The following GAREM1 variants were observed in gnomAD, a reference collection of about 807,000 sequenced individuals.
GAREM1 encodes the protein GRB2 associated regulator of MAPK1 subtype 1.
In GAREM1, 26 loss-of-function variants were observed where a neutral mutation model predicts 71.3. The ratio of observed to expected loss-of-function variants is 0.36; its 90% confidence interval spans 0.27 to 0.51. The LOEUF (loss-of-function observed/expected upper bound fraction) is 0.51, where lower values mean the gene tolerates loss of function less well. GAREM1 is among the 20% of genes least tolerant of loss of function. The pLI, the probability that GAREM1 is intolerant of heterozygous loss-of-function variation, is 0.95. For synonymous variants in GAREM1, 440 were observed against 433.2 expected (o/e 1.02, Z -0.20); for missense variants, 1,026 against 1,103.1 (o/e 0.93, Z 0.99).
chr18:32,437,886 G>A (rs957014260), intron 1 of GAREM1, among the ~76,000 whole-genome samples: 26 of 152,078 alleles, frequency 1.7e-4, no homozygotes, highest in African/African-American at 6.3e-4. Flanking sequence ...CTTAAACTAG[G>A]CAAACTGAGC....
chr18:32,317,553 G>C (rs2047390969), intron 2 of GAREM1, among the ~76,000 whole-genome samples: 1 of 152,044 alleles, frequency 6.6e-6, no homozygotes, highest in Admixed American at 6.6e-5. Context: ...CTTCAAACAG[G>C]AGTCTAATAT....
chr18:32,270,273 T>C lies in GAREM1; in HGVS notation c.1677A>G (p.Gln559=). The change falls in exon 5 of 6, where the codon CAA becomes CAG. Residue 559 remains glutamine, a synonymous_variant. Transcript: ENST00000269209. ...AGGTGGGGCTGGGAGAGCGAGTCTG[T>C]TGCCGCGCTGGCTTGACTGTGCGAG... ...IPPRTVKPAR[Q]QTRSPSPTLS... The C allele has an allele frequency of 1.9e-6, 3 of 1,613,984 alleles. No individual in the cohort carries two copies. Among genetic ancestry groups the C allele is most frequent in the Non-Finnish European group, 2.5e-6 (3 of 1,179,966 alleles).
chr18:32,311,518 T>C (rs1172324432), intron 2 of GAREM1, among the ~76,000 whole-genome samples: 2 of 152,142 alleles, frequency 1.3e-5, no homozygotes, highest in African/African-American at 2.4e-5. Flanking sequence ...TGAGAAATGC[T>C]ATTAAATTTA....
intron 3 of GAREM1, among the ~76,000 whole-genome samples, chr18:32,300,697 G>A (rs540918414): frequency 8.0e-4 from 121 of 152,050 alleles, no homozygotes; most frequent in African/African-American, 2.6e-3. Context: ...GCTTGAGATC[G>A]GGAGTTCGAG....
chr18:32,263,715 G>A lies in GAREM1; in HGVS notation c.*4156C>T, dbSNP rs1433255462. On this transcript the variant is annotated 3_prime_UTR_variant, in exon 6 of 6. Coordinates refer to ENST00000269209, the MANE Select transcript of GAREM1 (RefSeq NM_001242409.2). The stretch of plus-strand genomic sequence containing the variant: ...TTCCAAGCAAAGAAACTGTAAAGAT[G>A]GTTACAAAATTCTTTGAAAAGAATA... 6.6e-6 allele frequency: 1 copy of A among 152,018 alleles called. No homozygotes were observed. Among genetic ancestry groups the A allele is most frequent in the East Asian group, 1.9e-4 (1 of 5,184 alleles). The allele number at this position is 152,018 out of a possible 1,614,324, so 9.4% of individuals were successfully genotyped here.
At chr18:32,315,557 G>A (rs1217929703) in intron 2 of GAREM1, among the ~76,000 whole-genome samples, 2 of 148,492 alleles carry the variant, frequency 1.3e-5, no homozygotes, top group Non-Finnish European at 3.0e-5. Flanking sequence ...ATATACTTTT[G>A]CATTAAGTCT....
chr18:32,287,457 G>C lies in GAREM1; in HGVS notation c.1140C>G (p.Thr380=), dbSNP rs1187985365. 1 of 1,614,208 alleles carries C rather than the reference G, an allele frequency of 6.2e-7. No homozygotes were observed. Among genetic ancestry groups the C allele is most frequent in the Admixed American group, 1.7e-5 (1 of 60,026 alleles). ...AGACCGAGAGTCGGTGGAAGGACTG[G>C]GTGAGCTCATCGCGGGCGTAGCTGA... ...NSLSYARDEL[T]QSFHRLSVCV... is the part of the protein sequence containing the mutation. The change falls in exon 4 of 6, where the codon ACC becomes ACG. Residue 380 remains threonine, a synonymous_variant. Transcript: ENST00000269209. This position sits in a 1 kb window ranked among gnomAD's most constrained non-coding sequence, Gnocchi z 5.9.
At chr18:32,464,013 C>A (rs1034706746) in intron 1 of GAREM1, among the ~76,000 whole-genome samples, 1 of 143,536 alleles carries the variant, frequency 7.0e-6, no homozygotes. Context: ...AAAGGCTGGG[C>A]GTGGTGGCTC....
At chr18:32,402,767 A>G (rs1178839100) in intron 1 of GAREM1, among the ~76,000 whole-genome samples, 1 of 152,114 alleles carries the variant, frequency 6.6e-6, no homozygotes, top group Non-Finnish European at 1.5e-5. Context: ...TTCTAACTAG[A>G]TATCCCCCTG....
chr18:32,286,519 G>T (rs2047019411), intron 4 of GAREM1, among the ~76,000 whole-genome samples: 1 of 152,146 alleles, frequency 6.6e-6, no homozygotes, highest in Non-Finnish European at 1.5e-5. Flanking sequence ...CACAGTAAAT[G>T]ACACTAATAT....
At chr18:32,445,429 A>T (rs1299349924) in intron 1 of GAREM1, among the ~76,000 whole-genome samples, 1 of 152,144 alleles carries the variant, frequency 6.6e-6, no homozygotes, top group Non-Finnish European at 1.5e-5. Flanking sequence ...AGTACACCAG[A>T]AATGCTTACC....
At chr18:32,336,839 C>G (rs2047601104) in intron 2 of GAREM1, among the ~76,000 whole-genome samples, 1 of 152,196 alleles carries the variant, frequency 6.6e-6, no homozygotes, top group Non-Finnish European at 1.5e-5. Context: ...TTCGGTAAAA[C>G]TAAAACTACT....
chr18:32,383,668 T>G (rs749236028), intron 2 of GAREM1, among the ~76,000 whole-genome samples: 2 of 152,212 alleles, frequency 1.3e-5, no homozygotes, highest in African/African-American at 2.4e-5. Flanking sequence ...GTTAATCATA[T>G]TATCTCATAG....
At chr18:32,370,421 C>CAAAA (rs57026913) in intron 2 of GAREM1, among the ~76,000 whole-genome samples, 1 of 69,174 alleles carries the variant, frequency 1.4e-5, no homozygotes, top group African/African-American at 5.2e-5. Flanking sequence ...AACTCTGTTT[C>CAAAA]AAAAAAAAAA....
At chr18:32,289,991 T>TTTG (rs2047064912) in intron 3 of GAREM1, among the ~76,000 whole-genome samples, 1 of 151,662 alleles carries the variant, frequency 6.6e-6, no homozygotes, top group African/African-American at 2.4e-5. Context: ...AGGTTTTTTT[T>TTTG]TGTGTGTGTG....
intron 2 of GAREM1, among the ~76,000 whole-genome samples, chr18:32,363,987 CATATATACATAT>C (rs1456751998): frequency 3.3e-4 from 9 of 27,092 alleles, no homozygotes; most frequent in African/African-American, 4.7e-4. Flanking sequence ...TACATAAATA[CATATATACATAT>C]ATATATATAT....
chr18:32,293,340 C>T (rs1224037168), intron 3 of GAREM1, among the ~76,000 whole-genome samples: 1 of 152,074 alleles, frequency 6.6e-6, no homozygotes, highest in African/African-American at 2.4e-5. Context: ...GTAAGGTGCT[C>T]ATAAGATGAT....
chr18:32,454,372 T>C (rs978134614), intron 1 of GAREM1, among the ~76,000 whole-genome samples: 5 of 151,614 alleles, frequency 3.3e-5, no homozygotes, highest in African/African-American at 1.2e-4. Context: ...ATAAGACACA[T>C]GCTGATTTCA....
intron 4 of GAREM1, among the ~76,000 whole-genome samples, chr18:32,279,687 G>C (rs1468811535): frequency 6.6e-6 from 1 of 152,094 alleles, no homozygotes; most frequent in African/African-American, 2.4e-5. Flanking sequence ...CAATACACTT[G>C]AGTCATCCCG....
Sources: allele counts gnomAD v4.1 joint callset (sites outside exome capture counted in the v4.1 genomes callset), GRCh38; gene constraint gnomAD v4.1.1; non-coding constraint Gnocchi (gnomAD v3.1); transcripts MANE v1.5; gene names NCBI Gene and HGNC (gene_info 2026-07-23, HGNC 2026-07-21).